NREP: variants seen among roughly 807,000 people sequenced by gnomAD.
NREP encodes the protein neuronal regeneration related protein, also known as neuronal regeneration-related protein.
In NREP, 5 loss-of-function variants were observed where a neutral mutation model predicts 8.6. The ratio of observed to expected loss-of-function variants is 0.58; its 90% CI spans 0.30 to 1.22. The LOEUF is 1.22. Ranked by LOEUF, NREP falls within the 50% of genes most tolerant of loss-of-function variation. The pLI is 0.07. For missense variants in NREP, 86 were observed against 82.5 expected (o/e 1.04, Z -0.17); for synonymous variants, 27 against 28.0 (o/e 0.96, Z 0.11).
upstream of NREP, chr5:111,757,867 C>T (rs1456239069): frequency 4.1e-6 from 4 of 977,422 alleles, no homozygotes; most frequent in African/African-American, 1.8e-5. Flanking sequence ...AGCGTGAAGG[C>T]GGCCAGGGTG....
At chr5:111,880,268 G>A (rs1185799830) in intron 2 of NREP, among the ~76,000 whole-genome samples, 1 of 152,118 alleles carries the variant, frequency 6.6e-6, no homozygotes, top group Non-Finnish European at 1.5e-5. Context: ...CTCCATATAT[G>A]ATTTTTTAAA....
chr5:111,834,273 T>C (rs78289955), intron 2 of NREP, among the ~76,000 whole-genome samples: 57 of 152,332 alleles, frequency 3.7e-4, no homozygotes, highest in East Asian at 3.5e-3. Flanking sequence ...AAATTTCACA[T>C]ACTTCACAGT....
intron 2 of NREP, among the ~76,000 whole-genome samples, chr5:111,829,841 C>G (rs114778499): frequency 6.6e-6 from 1 of 152,158 alleles, no homozygotes; most frequent in Admixed American, 6.5e-5. Context: ...TGACTTCACC[C>G]ACATAGCGTG....
intron 2 of NREP, among the ~76,000 whole-genome samples, chr5:111,916,545 T>C (rs1459630649): frequency 6.6e-6 from 1 of 152,158 alleles, no homozygotes; most frequent in Non-Finnish European, 1.5e-5. Flanking sequence ...TATCCGACTG[T>C]TTAAACCTGA....
At chr5:111,956,939 G>C (rs992518365) in intron 2 of NREP, among the ~76,000 whole-genome samples, 1 of 150,198 alleles carries the variant, frequency 6.7e-6, no homozygotes, top group Non-Finnish European at 1.5e-5. Flanking sequence ...ACTCCAGCCT[G>C]GATGACACAA....
intron 2 of NREP, among the ~76,000 whole-genome samples, chr5:111,744,484 G>C (rs1749878345): frequency 6.6e-6 from 1 of 151,948 alleles, no homozygotes; most frequent in African/African-American, 2.4e-5. Flanking sequence ...TAAATGCTCA[G>C]GACAAAAAGA....
intron 2 of NREP, among the ~76,000 whole-genome samples, chr5:111,939,241 T>C (rs1355055868): frequency 6.6e-6 from 1 of 152,032 alleles, no homozygotes; most frequent in East Asian, 1.9e-4. Flanking sequence ...TCATTACTTC[T>C]CACAGCAAAC....
intron 2 of NREP, among the ~76,000 whole-genome samples, chr5:111,947,277 C>T (rs1756014987): frequency 6.6e-6 from 1 of 151,844 alleles, no homozygotes; most frequent in African/African-American, 2.4e-5. Context: ...AGAGAAAAAA[C>T]CTTTTTGATT....
chr5:111,861,971 A>G (rs868315914), intron 2 of NREP, among the ~76,000 whole-genome samples: 13 of 152,198 alleles, frequency 8.5e-5, no homozygotes, highest in Non-Finnish European at 1.5e-4. Flanking sequence ...TTACCTTTTT[A>G]ACATAATGAC....
chr5:111,897,895 G>C (rs1754549249), intron 2 of NREP, among the ~76,000 whole-genome samples: 1 of 152,036 alleles, frequency 6.6e-6, no homozygotes, highest in African/African-American at 2.4e-5. Flanking sequence ...GGTAAAATTT[G>C]ATTGCTTTTT....
intron 2 of NREP, among the ~76,000 whole-genome samples, chr5:111,927,767 A>G (rs1043975658): frequency 6.6e-6 from 1 of 151,714 alleles, no homozygotes; most frequent in Non-Finnish European, 1.5e-5. Context: ...TTTCCTTCCT[A>G]TTTGCTTCTT....
chr5:111,799,336 G>T (rs1330084475), intron 2 of NREP, among the ~76,000 whole-genome samples: 5 of 151,928 alleles, frequency 3.3e-5, no homozygotes, highest in African/African-American at 1.2e-4. Context: ...GAATTGCATT[G>T]AATTTGTAGA....
chr5:111,766,179 G>T (rs2112868016), intron 2 of NREP, among the ~76,000 whole-genome samples: 1 of 152,248 alleles, frequency 6.6e-6, no homozygotes, highest in South Asian at 2.1e-4. Flanking sequence ...GGAATCAAAT[G>T]TGTCCTAGTC....
chr5:111,871,053 CGTGTGTGTGTGTGT>C (rs34667486), intron 2 of NREP, among the ~76,000 whole-genome samples: 7 of 142,610 alleles, frequency 4.9e-5, no homozygotes, highest in East Asian at 2.1e-4. Context: ...GAACCAATGG[CGTGTGTGTGTGTGT>C]GTGTGTGTGT....
At chr5:111,756,295 TTA>T in intron 1 of NREP, 3 of 353,978 alleles carry the variant, frequency 8.5e-6, no homozygotes, top group Non-Finnish European at 6.5e-6. Flanking sequence ...CCTTCCGTGT[TTA>T]AAAAAAAAAA....
intron 2 of NREP, among the ~76,000 whole-genome samples, chr5:111,763,072 T>C (rs1201431226): frequency 6.6e-6 from 1 of 152,212 alleles, no homozygotes; most frequent in Non-Finnish European, 1.5e-5. Flanking sequence ...CGATTTACAA[T>C]TGACCCTGTC....
At chr5:111,835,008 T>C (rs1752860030) in intron 2 of NREP, among the ~76,000 whole-genome samples, 1 of 152,166 alleles carries the variant, frequency 6.6e-6, no homozygotes, top group South Asian at 2.1e-4. Context: ...AGAAGGCACC[T>C]CCTATGAAAT....
chr5:111,836,887 G>A (rs1259685324), intron 2 of NREP, among the ~76,000 whole-genome samples: 1 of 151,782 alleles, frequency 6.6e-6, no homozygotes, highest in Non-Finnish European at 1.5e-5. Flanking sequence ...TTCTTTCTGG[G>A]TGCTAGGACA....
chr5:111,751,928 T>C (rs1324271105), intron 2 of NREP, among the ~76,000 whole-genome samples: 1 of 152,180 alleles, frequency 6.6e-6, no homozygotes, highest in African/African-American at 2.4e-5. Context: ...ACCACGAAGT[T>C]ACGCCAAGGA....
Sources: allele counts gnomAD v4.1 joint callset (sites outside exome capture counted in the v4.1 genomes callset), GRCh38; gene constraint gnomAD v4.1.1; transcripts MANE v1.5; gene names NCBI Gene and HGNC (gene_info 2026-07-23, HGNC 2026-07-21).